Variants in NELL1 observed in about 807,000 individuals in gnomAD.
NELL1 encodes protein kinase C-binding protein NELL1.
Under a neutral mutation model 107.4 loss-of-function variants are expected in NELL1, and 76 were observed. The ratio of observed to expected loss-of-function variants is 0.71; its 90% CI spans 0.59 to 0.86. NELL1 has a LOEUF of 0.86. Among genes scored for constraint, NELL1 ranks in the 40% least tolerant of loss-of-function variants. NELL1 has a pLI of 0.00. For missense variants in NELL1, 1,024 were observed against 1,005.5 expected (o/e 1.02, Z -0.25); for synonymous variants, 353 against 341.2 (o/e 1.03, Z -0.38).
chr11:21,256,600 G>T (rs561243532), intron 14 of NELL1, among the ~76,000 whole-genome samples: 1 of 152,122 alleles, frequency 6.6e-6, no homozygotes, highest in African/African-American at 2.4e-5. Context: ...TTGGCAAACT[G>T]CCAGTGACCT....
chr11:21,441,330 C>CGTGTGTGTGTGT (rs201892977), intron 15 of NELL1, among the ~76,000 whole-genome samples: 2 of 140,150 alleles, frequency 1.4e-5, no homozygotes, highest in African/African-American at 5.1e-5. Context: ...GAGGCTGTGA[C>CGTGTGTGTGTGT]GTGTGTGTGT....
chr11:20,809,884 C>T (rs1293172361), intron 3 of NELL1, among the ~76,000 whole-genome samples: 11 of 152,072 alleles, frequency 7.2e-5, no homozygotes, highest in South Asian at 2.1e-4. Flanking sequence ...TACTCAGTAG[C>T]GGGATTGCCG....
intron 12 of NELL1, among the ~76,000 whole-genome samples, chr11:20,980,262 C>A (rs1012425253): frequency 2.0e-5 from 3 of 152,056 alleles, no homozygotes; most frequent in Non-Finnish European, 4.4e-5. Context: ...GGTGCGTTTA[C>A]GTATATTATT....
At chr11:21,063,124 A>C (rs1021486589) in intron 12 of NELL1, among the ~76,000 whole-genome samples, 2 of 152,148 alleles carry the variant, frequency 1.3e-5, no homozygotes, top group African/African-American at 4.8e-5. Flanking sequence ...CTAGGATTAC[A>C]AATGTGAGCC....
chr11:20,827,676 T>C (rs1170362594), intron 3 of NELL1, among the ~76,000 whole-genome samples: 2 of 151,306 alleles, frequency 1.3e-5, no homozygotes, highest in Non-Finnish European at 3.0e-5. Context: ...TGACATTTCA[T>C]TGTCCGGAAC....
intron 1 of NELL1, among the ~76,000 whole-genome samples, chr11:20,675,658 T>C (rs1478470730): frequency 6.6e-6 from 1 of 152,172 alleles, no homozygotes; most frequent in African/African-American, 2.4e-5. Context: ...GCATAAACCT[T>C]AGAACCCTCC....
intron 13 of NELL1, among the ~76,000 whole-genome samples, chr11:21,221,846 C>G (rs937176362): frequency 2.0e-5 from 3 of 152,004 alleles, no homozygotes; most frequent in Non-Finnish European, 4.4e-5. Context: ...GTGTGGGCCA[C>G]CATACCTGGA....
intron 12 of NELL1, among the ~76,000 whole-genome samples, chr11:21,060,444 A>G: frequency 6.6e-6 from 1 of 152,164 alleles, no homozygotes; most frequent in East Asian, 1.9e-4. Context: ...TAGCTATGCC[A>G]TCATTATTAT....
At chr11:20,724,092 G>A (rs1855455458) in intron 2 of NELL1, among the ~76,000 whole-genome samples, 2 of 151,178 alleles carry the variant, frequency 1.3e-5, no homozygotes, top group East Asian at 2.0e-4. Context: ...GCACAGAGCA[G>A]CTGGGCCCTG....
intron 2 of NELL1, among the ~76,000 whole-genome samples, chr11:20,689,737 A>T (rs568210995): frequency 0.025 from 3,719 of 151,186 alleles, 77 homozygotes; most frequent in Non-Finnish European, 0.036. Flanking sequence ...ATAGTGCCGC[A>T]ATAAACATAC....
intron 15 of NELL1, among the ~76,000 whole-genome samples, chr11:21,390,830 A>AATTCC (rs1223466207): frequency 6.6e-6 from 1 of 151,822 alleles, no homozygotes; most frequent in Non-Finnish European, 1.5e-5. Flanking sequence ...TTATAATGTT[A>AATTCC]ATTCCATGAA....
intron 12 of NELL1, among the ~76,000 whole-genome samples, chr11:21,085,419 A>T (rs1204322192): frequency 6.6e-6 from 1 of 152,148 alleles, no homozygotes; most frequent in Non-Finnish European, 1.5e-5. Flanking sequence ...GGATCACTTG[A>T]GGCCCCAAGT....
Position 20,976,141 on chromosome 11 carries a change from A to G in NELL1, c.1300+15581A>G, listed in dbSNP as rs555184079. Among the ~76,000 whole-genome samples the G allele has an allele frequency of 3.8e-4, 40 of 105,622 alleles. 2 individuals are homozygous for G. Among genetic ancestry groups the G allele is most frequent in the African/African-American group, 1.6e-3 (38 of 24,440 alleles). The allele number at this position is 105,622 out of a possible 152,430, so 69.3% of individuals were successfully genotyped here. ...ATATGTATTATGTATACACATGTACACACATGTATATATATACACACATTA... is the reference window on the plus strand; with the variant it reads ...ATATGTATTATGTATACACATGTACGCACATGTATATATATACACACATTA... On this transcript the variant is annotated intron_variant, in intron 12 of 19. Transcript: ENST00000357134.
chr11:21,234,994 G>T (rs1057356426), intron 14 of NELL1, among the ~76,000 whole-genome samples: 2 of 152,162 alleles, frequency 1.3e-5, no homozygotes, highest in Non-Finnish European at 2.9e-5. Flanking sequence ...AAACTACTGG[G>T]CTGTGAATCG....
intron 12 of NELL1, among the ~76,000 whole-genome samples, chr11:21,062,932 A>T (rs1364203480): frequency 6.6e-6 from 1 of 152,028 alleles, no homozygotes; most frequent in Non-Finnish European, 1.5e-5. Context: ...GGTTCAAGCA[A>T]TTCTCATCCC....
chr11:21,399,372 G>A (rs879510638), intron 15 of NELL1, among the ~76,000 whole-genome samples: 3 of 151,702 alleles, frequency 2.0e-5, no homozygotes, highest in Non-Finnish European at 3.0e-5. Context: ...AAATTAAGTA[G>A]CCAAGAAATG....
At position 21,196,118 on chromosome 11, in the gene NELL1, C is replaced by T. The variant is rs539612372; in HGVS notation, c.1427-33214C>T. On this transcript the variant is annotated intron_variant, in intron 13 of 19. Transcript: ENST00000357134. ...TACACTCTGACCTTAACATTTGCTA[C>T]ATAAGTGGAGGTTGGACTTAGTGTT... is the stretch of plus-strand genomic sequence containing the variant. 6.4e-4 allele frequency among the ~76,000 whole-genome samples: 98 copies of T among 152,234 alleles called. No homozygotes were observed. In the Middle Eastern group the frequency reaches 0.01, roughly 16 times the overall value.
intron 3 of NELL1, among the ~76,000 whole-genome samples, chr11:20,840,881 A>G (rs1237918771): frequency 2.0e-5 from 3 of 152,242 alleles, no homozygotes; most frequent in African/African-American, 7.2e-5. Flanking sequence ...ATATTAAGCC[A>G]TGTAATTCAG....
chr11:21,526,651 CAATTCTT>C (rs1855862859), intron 15 of NELL1, among the ~76,000 whole-genome samples: 1 of 152,214 alleles, frequency 6.6e-6, no homozygotes, highest in Non-Finnish European at 1.5e-5. Flanking sequence ...TCCCAAACCT[CAATTCTT>C]GACTTCTGGG....
Sources: allele counts gnomAD v4.1 joint callset (sites outside exome capture counted in the v4.1 genomes callset), GRCh38; gene constraint gnomAD v4.1.1; transcripts MANE v1.5; gene names NCBI Gene and HGNC (gene_info 2026-07-23, HGNC 2026-07-21).